The following ATP8A2 variants were observed in gnomAD, a reference collection of about 807,000 sequenced individuals.
ATP8A2 encodes phospholipid-transporting ATPase IB.
A neutral mutation model predicts 165.6 loss-of-function variants in ATP8A2; 100 were observed. The observed-to-expected ratio is 0.60, with a 90% CI of 0.51 to 0.71. ATP8A2 has a LOEUF of 0.71. Ranked by LOEUF, ATP8A2 falls within the 30% of genes least tolerant of loss-of-function variation. The pLI, the probability that ATP8A2 is intolerant of heterozygous loss-of-function variation, is 0.00. For synonymous variants in ATP8A2, 543 were observed against 548.8 expected, an observed-to-expected ratio of 0.99 and a Z score of 0.15; for missense variants, 1,227 against 1,479.5, an observed-to-expected ratio of 0.83 and a Z score of 2.80.
intron 32 of ATP8A2, among the ~76,000 whole-genome samples, chr13:25,861,161 A>G (rs1593464415): frequency 6.6e-6 from 1 of 152,222 alleles, no homozygotes; most frequent in African/African-American, 2.4e-5. Flanking sequence ...ATATAGAAGG[A>G]CAAAAAACAT....
intron 33 of ATP8A2, among the ~76,000 whole-genome samples, chr13:25,960,067 C>T (rs1249675464): frequency 2.6e-5 from 4 of 152,216 alleles, no homozygotes; most frequent in Non-Finnish European, 5.9e-5. Context: ...TGCCAAGCAC[C>T]ACCAACAGGG....
intron 33 of ATP8A2, among the ~76,000 whole-genome samples, chr13:25,905,552 C>T (rs942201380): frequency 6.6e-6 from 1 of 152,206 alleles, no homozygotes; most frequent in Non-Finnish European, 1.5e-5. Flanking sequence ...TCCACAGTTT[C>T]GCCAACAGCG....
chr13:25,439,781 C>T (rs1257503189), intron 1 of ATP8A2, among the ~76,000 whole-genome samples: 1 of 152,008 alleles, frequency 6.6e-6, no homozygotes, highest in East Asian at 1.9e-4. Flanking sequence ...TGGTGTGCAC[C>T]TGTAGTCCCC....
intron 27 of ATP8A2, among the ~76,000 whole-genome samples, chr13:25,807,599 GT>G (rs1319619154): frequency 6.6e-6 from 1 of 152,214 alleles, no homozygotes; most frequent in Non-Finnish European, 1.5e-5. Context: ...TTAATCCAGT[GT>G]GAGTAATTCA....
chr13:25,452,669 A>G (rs981406066), intron 1 of ATP8A2, among the ~76,000 whole-genome samples: 1 of 152,242 alleles, frequency 6.6e-6, no homozygotes, highest in African/African-American at 2.4e-5. Flanking sequence ...TTAAAACAGT[A>G]AATATATTTT....
At chr13:25,920,879 C>T (rs1046568824) in intron 33 of ATP8A2, among the ~76,000 whole-genome samples, 3 of 152,186 alleles carry the variant, frequency 2.0e-5, no homozygotes, top group African/African-American at 7.2e-5. Flanking sequence ...GAGTTCGAGA[C>T]CAGCCTGGTG....
intron 35 of ATP8A2, among the ~76,000 whole-genome samples, chr13:25,978,865 G>A (rs1486773365): frequency 2.0e-5 from 3 of 152,132 alleles, no homozygotes; most frequent in Non-Finnish European, 4.4e-5. Flanking sequence ...ACGTGAACCC[G>A]GGAGGCGGAG....
chr13:25,815,367 A>G (rs1950986023), intron 27 of ATP8A2, among the ~76,000 whole-genome samples: 1 of 152,238 alleles, frequency 6.6e-6, no homozygotes. Context: ...AACCAATTCA[A>G]AAATGGGCGA....
At chr13:25,500,465 A>C (rs1423305508) in intron 2 of ATP8A2, among the ~76,000 whole-genome samples, 1 of 152,234 alleles carries the variant, frequency 6.6e-6, no homozygotes, top group African/African-American at 2.4e-5. Flanking sequence ...GCAGACAGGG[A>C]TTATCTCCAT....
rs186902291 is a variant in ATP8A2, at chr13:25,402,750, C to T, written c.76+30462C>T. ...CGCCTTTGAGAATGGGATTAATGCC[C>T]TTATGAAAGGGCTTGAGGCAGCAAG... is the stretch of plus-strand genomic sequence containing the variant. On this transcript the variant is annotated intron_variant, in intron 1 of 36. Coordinates refer to ENST00000381655, the MANE Select transcript of ATP8A2 (RefSeq NM_016529.6). Among the ~76,000 whole-genome samples, 209 of 152,258 alleles carry T rather than the reference C, an allele frequency of 1.4e-3. 3 individuals carry two copies. The highest frequency in any genetic ancestry group is 4.6e-3 in the African/African-American group (190 of 41,552).
At chr13:25,786,706 T>A (rs947918674) in intron 27 of ATP8A2, among the ~76,000 whole-genome samples, 5 of 151,942 alleles carry the variant, frequency 3.3e-5, no homozygotes, top group Non-Finnish European at 7.4e-5. Flanking sequence ...AAAAATAAGG[T>A]ATAATTTACA....
chr13:25,656,277 AT>A lies in ATP8A2; in HGVS notation c.2212-42887del, dbSNP rs56360268. 2.1e-3 allele frequency among the ~76,000 whole-genome samples: 318 copies of A among 150,396 alleles called. 1 individual carries two copies. Among genetic ancestry groups the A allele is most frequent in the Admixed American group, 6.8e-3 (103 of 15,076 alleles). On this transcript the variant is annotated intron_variant, in intron 24 of 36. Transcript: ENST00000381655. ...GAATCACACTATTACTTAAAGTTGG[AT>A]TTTTTTTTGTTTTTTGAAATGGAGT...
chr13:25,629,270 T>A (rs1349577251), intron 24 of ATP8A2, among the ~76,000 whole-genome samples: 5 of 152,144 alleles, frequency 3.3e-5, no homozygotes, highest in African/African-American at 7.2e-5. Flanking sequence ...AATAAAAAAA[T>A]TTTTAGAAGA....
chr13:25,551,084 T>G (rs979896716), intron 10 of ATP8A2, among the ~76,000 whole-genome samples: 4 of 152,220 alleles, frequency 2.6e-5, no homozygotes, highest in African/African-American at 9.6e-5. Context: ...GATATAATCA[T>G]AAGAAGTACA....
Position 25,469,103 on chromosome 13 carries a change from T to A in ATP8A2, c.203T>A (p.Phe68Tyr). The A allele has an allele frequency of 6.2e-7, 1 of 1,613,908 alleles. No individual in the cohort carries two copies. The highest frequency in any genetic ancestry group is 8.5e-7 in the Non-Finnish European group (1 of 1,179,884). The change falls in exon 2 of 37, where the codon TTC (phenylalanine) becomes TAC (tyrosine). Residue 68 changes from phenylalanine to tyrosine, a missense_variant. By Grantham distance (22) the Phe-to-Tyr change is conservative (BLOSUM62 3). Coordinates refer to ENST00000381655, the MANE Select transcript of ATP8A2 (RefSeq NM_016529.6). ...IYLNQPHLNK[F>Y]RDNQISTAKY... ...CTCAACCAACCGCATCTCAACAAAT[T>A]CCGCGACAACCAGATCAGGTAGGAG...
intron 2 of ATP8A2, among the ~76,000 whole-genome samples, chr13:25,529,364 C>G (rs966948945): frequency 6.6e-6 from 1 of 152,140 alleles, no homozygotes; most frequent in Non-Finnish European, 1.5e-5. Context: ...ATAATCTGTT[C>G]TGGGGATAGA....
intron 24 of ATP8A2, among the ~76,000 whole-genome samples, chr13:25,640,263 C>A (rs2137561475): frequency 6.6e-6 from 1 of 152,136 alleles, no homozygotes; most frequent in African/African-American, 2.4e-5. Flanking sequence ...CAGAGCAGAA[C>A]TGAAGGAAAT....
At chr13:25,470,486 A>G (rs578038028) in intron 2 of ATP8A2, among the ~76,000 whole-genome samples, 3 of 152,326 alleles carry the variant, frequency 2.0e-5, no homozygotes, top group African/African-American at 7.2e-5. Context: ...ATGGGGATGA[A>G]AAACGATGGA....
chr13:25,818,685 T>G (rs997414427), intron 27 of ATP8A2, among the ~76,000 whole-genome samples: 1 of 152,230 alleles, frequency 6.6e-6, no homozygotes. Context: ...ATGACTGTTC[T>G]GCAGTGTGTG....
Sources: gnomAD v4.1 joint callset for allele counts (sites outside exome capture counted in the v4.1 genomes callset) on GRCh38, gnomAD v4.1.1 for gene constraint, MANE v1.5 for transcripts, NCBI Gene and HGNC (gene_info 2026-07-23, HGNC 2026-07-21) for gene names.